The following CFAP61 variants were observed in gnomAD, a reference collection of about 807,000 sequenced individuals.
CFAP61 encodes cilia- and flagella-associated protein 61.
In CFAP61, 107 loss-of-function variants were observed where a neutral mutation model predicts 135.6. The ratio of observed to expected loss-of-function variants is 0.79; its 90% CI spans 0.67 to 0.93. The LOEUF (loss-of-function observed/expected upper bound fraction) is 0.93, where lower values mean the gene tolerates loss of function less well. CFAP61 is among the 40% of genes least tolerant of loss of function. The pLI, the probability that CFAP61 is intolerant of heterozygous loss-of-function variation, is 0.00. For missense variants in CFAP61, 1,507 were observed against 1,556.2 expected (o/e 0.97, Z 0.53); for synonymous variants, 575 against 578.5 (o/e 0.99, Z 0.09).
chr20:20,284,127 G>C (rs1366937664), intron 22 of CFAP61, among the ~76,000 whole-genome samples: 3 of 152,100 alleles, frequency 2.0e-5, no homozygotes, highest in Non-Finnish European at 4.4e-5. Flanking sequence ...GATATGGTTA[G>C]ATTTAGGTCT....
intron 9 of CFAP61, among the ~76,000 whole-genome samples, chr20:20,151,468 A>T (rs2052400905): frequency 6.6e-6 from 1 of 152,162 alleles, no homozygotes; most frequent in Non-Finnish European, 1.5e-5. Context: ...TTTGGAAAAC[A>T]TATATGAGGG....
intron 26 of CFAP61, among the ~76,000 whole-genome samples, chr20:20,346,002 C>T (rs1405249121): frequency 1.2e-4 from 17 of 137,524 alleles, no homozygotes; most frequent in East Asian, 4.7e-4. Flanking sequence ...CCCGGGTTCA[C>T]GCCATTCTCC....
At chr20:20,146,943 C>G (rs545156639) in intron 9 of CFAP61, among the ~76,000 whole-genome samples, 71 of 152,296 alleles carry the variant, frequency 4.7e-4, no homozygotes, top group South Asian at 3.3e-3. Flanking sequence ...TTATATCACT[C>G]TTACGCCTTT....
At chr20:20,066,685 G>A (rs937762051) in intron 2 of CFAP61, among the ~76,000 whole-genome samples, 2 of 152,120 alleles carry the variant, frequency 1.3e-5, no homozygotes, top group Admixed American at 1.3e-4. Flanking sequence ...CGGGGTGGGG[G>A]CTAGGGGAGG....
At chr20:20,336,880 C>T (rs1464323099) in intron 25 of CFAP61, among the ~76,000 whole-genome samples, 3 of 152,222 alleles carry the variant, frequency 2.0e-5, no homozygotes, top group Admixed American at 6.5e-5. Flanking sequence ...TCATAAGTGG[C>T]TCTGACATTC....
At chr20:20,333,910 G>A (rs114567791) in intron 25 of CFAP61, among the ~76,000 whole-genome samples, 1,890 of 152,226 alleles carry the variant, frequency 0.012, 43 homozygotes, top group African/African-American at 0.043. Context: ...GTCAGGGGAG[G>A]TCGTGGGGCC....
intron 17 of CFAP61, chr20:20,200,953 A>G: frequency 1.0e-6 from 1 of 985,392 alleles, no homozygotes; most frequent in Non-Finnish European, 1.2e-6. Context: ...TTTGTGTCTT[A>G]CATTCATCTT....
intron 1 of CFAP61, chr20:20,056,154 A>C (rs2044316077): frequency 1.6e-6 from 1 of 624,084 alleles, no homozygotes. Context: ...CCTACACTTA[A>C]CCACAGAACT....
chr20:20,164,251 G>T (rs920347188), intron 11 of CFAP61, 23 bp downstream of exon 11: 7 of 1,585,192 alleles, frequency 4.4e-6, no homozygotes, highest in Non-Finnish European at 6.0e-6. Context: ...CTTCTGGCTG[G>T]CTGTCACAGT....
chr20:20,256,532 G>T (rs1213112556), intron 20 of CFAP61, among the ~76,000 whole-genome samples: 1 of 152,032 alleles, frequency 6.6e-6, no homozygotes, highest in Non-Finnish European at 1.5e-5. Flanking sequence ...AGCTGAGAAG[G>T]CCACACATAA....
At chr20:20,324,287 C>T (rs1201717881) in intron 25 of CFAP61, among the ~76,000 whole-genome samples, 4 of 152,110 alleles carry the variant, frequency 2.6e-5, no homozygotes, top group African/African-American at 4.8e-5. Context: ...TTTCTCCCTC[C>T]GCTCAGTCCC....
At chr20:20,174,320 C>G (rs967670285) in intron 13 of CFAP61, among the ~76,000 whole-genome samples, 13 of 152,274 alleles carry the variant, frequency 8.5e-5, no homozygotes, top group Admixed American at 3.9e-4. Flanking sequence ...TCTGTAGCTT[C>G]TCTGAGTGCC....
Position 20,263,147 on chromosome 20 carries a change from C to A in CFAP61, c.2503+17C>A, listed in dbSNP as rs902650663. The A allele has an allele frequency of 1.3e-5, 20 of 1,594,622 alleles. No individual in the cohort carries two copies. Among genetic ancestry groups the A allele is most frequent in the Admixed American group, 5.1e-5 (3 of 58,816 alleles). On this transcript the variant is annotated intron_variant, in intron 21 of 26. Transcript: ENST00000245957. ...CCACAGAAGGTAAGGATGTCGGTAACTGTGCATCTCTTCAGAATAGCGTTT... is the reference window on the plus strand; with the variant it reads ...CCACAGAAGGTAAGGATGTCGGTAAATGTGCATCTCTTCAGAATAGCGTTT...
chr20:20,129,991 C>G (rs1169210368), intron 8 of CFAP61, among the ~76,000 whole-genome samples: 1 of 151,496 alleles, frequency 6.6e-6, no homozygotes, highest in African/African-American at 2.4e-5. Flanking sequence ...TTTGTGTTAT[C>G]TTAAAGATCA....
At chr20:20,126,183 A>G (rs2050052589) in intron 8 of CFAP61, among the ~76,000 whole-genome samples, 1 of 151,792 alleles carries the variant, frequency 6.6e-6, no homozygotes. Flanking sequence ...TTTTAAGCGG[A>G]ACATTTAGGC....
At chr20:20,111,469 T>A (rs2048799818) in intron 8 of CFAP61, among the ~76,000 whole-genome samples, 1 of 152,200 alleles carries the variant, frequency 6.6e-6, no homozygotes, top group African/African-American at 2.4e-5. Flanking sequence ...CAGGCACCAG[T>A]ATGCTTTTTC....
At chr20:20,231,114 G>A (rs1328622759) in intron 18 of CFAP61, among the ~76,000 whole-genome samples, 1 of 152,236 alleles carries the variant, frequency 6.6e-6, no homozygotes, top group Admixed American at 6.5e-5. Context: ...GTGCTGAGGT[G>A]CTACTGGGAG....
chr20:20,106,000 C>CTATT (rs2048360106), intron 8 of CFAP61, among the ~76,000 whole-genome samples: 1 of 102,644 alleles, frequency 9.7e-6, no homozygotes, highest in African/African-American at 4.2e-5. Context: ...CTACTCTTGC[C>CTATT]TATATATATA....
At chr20:20,170,697 G>A (rs1199577009) in intron 13 of CFAP61, among the ~76,000 whole-genome samples, 1 of 152,138 alleles carries the variant, frequency 6.6e-6, no homozygotes, top group Non-Finnish European at 1.5e-5. Context: ...GTGAAACTTT[G>A]AGAAACATCC....
Sources: gnomAD v4.1 joint callset for allele counts (sites outside exome capture counted in the v4.1 genomes callset) on GRCh38, gnomAD v4.1.1 for gene constraint, MANE v1.5 for transcripts, NCBI Gene and HGNC (gene_info 2026-07-23, HGNC 2026-07-21) for gene names.